MSRA: variants seen among roughly 807,000 people sequenced by gnomAD.
MSRA encodes the protein methionine sulfoxide reductase A.
Under a neutral mutation model 31.3 loss-of-function variants are expected in MSRA, and 54 were observed. The ratio of observed to expected loss-of-function variants is 1.73; its 90% confidence interval spans 1.39 to 2.17. The LOEUF (loss-of-function observed/expected upper bound fraction) is 2.17, where lower values mean the gene tolerates loss of function less well. MSRA is among the 30% of genes most tolerant of loss of function. The probability of loss-of-function intolerance (pLI) is 0.00; values close to 1 mark genes in which losing one functional copy is unlikely to be tolerated. For missense variants in MSRA, 507 were observed against 300.9 expected, an observed-to-expected ratio of 1.69 and a Z score of -5.07; for synonymous variants, 169 against 116.5, an observed-to-expected ratio of 1.45 and a Z score of -2.90.
chr8:10,267,366 G>A (rs182944684), intron 3 of MSRA, among the ~76,000 whole-genome samples: 2 of 152,200 alleles, frequency 1.3e-5, no homozygotes, highest in South Asian at 2.1e-4. Flanking sequence ...AGAGCAACTC[G>A]TGGAGGGAAG....
At chr8:10,219,748 G>A (rs1810313747) in intron 2 of MSRA, among the ~76,000 whole-genome samples, 1 of 122,924 alleles carries the variant, frequency 8.1e-6, no homozygotes, top group South Asian at 2.9e-4. Context: ...ACAACTTGCA[G>A]TGAGCCAAGA....
intron 1 of MSRA, among the ~76,000 whole-genome samples, chr8:10,148,702 C>G (rs758819429): frequency 6.8e-6 from 1 of 147,330 alleles, no homozygotes; most frequent in African/African-American, 2.5e-5. Context: ...TTTGGGAGGC[C>G]GAGGCAGGAG....
intron 2 of MSRA, among the ~76,000 whole-genome samples, chr8:10,232,976 G>T (rs1422902192): frequency 6.6e-6 from 1 of 152,176 alleles, no homozygotes; most frequent in South Asian, 2.1e-4. Context: ...TATTTCTACG[G>T]AATGTAGATG....
intron 5 of MSRA, among the ~76,000 whole-genome samples, chr8:10,344,009 G>C (rs898591437): frequency 2.0e-5 from 3 of 152,122 alleles, no homozygotes; most frequent in African/African-American, 7.2e-5. Flanking sequence ...TCACTTTGAA[G>C]ATAGAACATT....
chr8:10,199,232 C>A (rs1489858149), intron 1 of MSRA, among the ~76,000 whole-genome samples: 1 of 152,166 alleles, frequency 6.6e-6, no homozygotes, highest in African/African-American at 2.4e-5. Context: ...CACCTTTCTT[C>A]ACTCCCCAGA....
intron 4 of MSRA, among the ~76,000 whole-genome samples, 166 bp from the exon 5 acceptor site, chr8:10,319,717 T>A (rs1182717547): frequency 1.3e-5 from 2 of 151,990 alleles, no homozygotes; most frequent in African/African-American, 4.8e-5. Context: ...ATTTCATGCT[T>A]GTTTAAAGAA....
intron 5 of MSRA, among the ~76,000 whole-genome samples, chr8:10,356,565 C>A (rs1464994526): frequency 2.0e-5 from 3 of 152,138 alleles, no homozygotes; most frequent in Non-Finnish European, 4.4e-5. Flanking sequence ...AAATTTTCAC[C>A]CACAAGGTGA....
At chr8:10,247,854 A>G (rs1308158839) in intron 3 of MSRA, among the ~76,000 whole-genome samples, 5 of 152,218 alleles carry the variant, frequency 3.3e-5, no homozygotes, top group Admixed American at 6.5e-5. Flanking sequence ...TCCCTCTGGC[A>G]CAGAAGTGGT....
At chr8:10,113,546 T>C (rs1415159060) in intron 1 of MSRA, among the ~76,000 whole-genome samples, 1 of 151,642 alleles carries the variant, frequency 6.6e-6, no homozygotes, top group Non-Finnish European at 1.5e-5. Context: ...ATGATGCTGT[T>C]GTTGACAGTG....
At chr8:10,097,494 CA>C (rs745416523) in intron 1 of MSRA, among the ~76,000 whole-genome samples, 1 of 152,020 alleles carries the variant, frequency 6.6e-6, no homozygotes, top group Non-Finnish European at 1.5e-5. Context: ...ATATATGAAA[CA>C]AAAAGAAAGT....
At chr8:10,328,655 G>C (rs570439481) in intron 5 of MSRA, among the ~76,000 whole-genome samples, 2 of 152,242 alleles carry the variant, frequency 1.3e-5, no homozygotes, top group African/African-American at 2.4e-5. Flanking sequence ...TCAAAGTCAT[G>C]TCACCATCTT....
intron 2 of MSRA, among the ~76,000 whole-genome samples, chr8:10,241,685 T>C (rs1322572976): frequency 6.6e-6 from 1 of 152,222 alleles, no homozygotes; most frequent in Non-Finnish European, 1.5e-5. Context: ...CACCCATCAA[T>C]GCTAACTAGA....
At chr8:10,105,679 C>G (rs548857949) in intron 1 of MSRA, among the ~76,000 whole-genome samples, 2 of 152,182 alleles carry the variant, frequency 1.3e-5, no homozygotes, top group East Asian at 1.9e-4. Flanking sequence ...TAAGCACTTT[C>G]TCCTTCCCCT....
chr8:10,428,007 G>A (rs922604632), intron 5 of MSRA, 141 bp from the exon 6 acceptor site: 17 of 794,426 alleles, frequency 2.1e-5, no homozygotes, highest in Non-Finnish European at 3.3e-5. Flanking sequence ...CTTGGAATGC[G>A]GAGAGCCCGG....
At chr8:10,215,147 A>T (rs1809874846) in intron 2 of MSRA, among the ~76,000 whole-genome samples, 1 of 152,212 alleles carries the variant, frequency 6.6e-6, no homozygotes, top group Admixed American at 6.5e-5. Context: ...CTTTACTTGT[A>T]TAGAGATCAC....
chr8:10,237,032 G>A (rs1219341215), intron 2 of MSRA, among the ~76,000 whole-genome samples: 2 of 152,168 alleles, frequency 1.3e-5, no homozygotes, highest in African/African-American at 4.8e-5. Flanking sequence ...CTCACTGCGG[G>A]ATTTTATTTA....
At chr8:10,207,979 C>A in intron 2 of MSRA, 78 bp downstream of exon 2, 1 of 1,149,926 alleles carries the variant, frequency 8.7e-7, no homozygotes, top group Non-Finnish European at 1.2e-6. Flanking sequence ...AGCAAGTGTT[C>A]TCAGGGCTTC....
intron 1 of MSRA, among the ~76,000 whole-genome samples, chr8:10,205,497 C>T (rs547524214): frequency 5.1e-4 from 78 of 152,126 alleles, no homozygotes; most frequent in African/African-American, 1.5e-3. Flanking sequence ...TGTAGTTTTG[C>T]GGTGTTCAGA....
intron 5 of MSRA, among the ~76,000 whole-genome samples, chr8:10,359,774 G>T (rs1344140901): frequency 6.6e-6 from 1 of 152,178 alleles, no homozygotes; most frequent in Non-Finnish European, 1.5e-5. Context: ...ATGGAGGACG[G>T]TCTCAGACAG....
Sources: allele counts gnomAD v4.1 joint callset (sites outside exome capture counted in the v4.1 genomes callset), GRCh38; gene constraint gnomAD v4.1.1; transcripts MANE v1.5; gene names NCBI Gene and HGNC (gene_info 2026-07-23, HGNC 2026-07-21).